WDR70: variants seen among roughly 807,000 people sequenced by gnomAD.
WDR70 encodes the protein WD repeat-containing protein 70.
A neutral mutation model predicts 88.6 loss-of-function variants in WDR70; 53 were observed. The ratio of observed to expected loss-of-function variants is 0.60; its 90% confidence interval spans 0.48 to 0.75. The LOEUF is 0.75. Ranked by LOEUF, WDR70 falls within the 30% of genes least tolerant of loss-of-function variation. The pLI is 0.00. For synonymous variants in WDR70, 280 were observed against 270.0 expected, an observed-to-expected ratio of 1.04 and a Z score of -0.36; for missense variants, 610 against 823.2, an observed-to-expected ratio of 0.74 and a Z score of 3.17.
chr5:37,640,717 C>T (rs1745081138), intron 10 of WDR70, among the ~76,000 whole-genome samples: 1 of 152,100 alleles, frequency 6.6e-6, no homozygotes, highest in Non-Finnish European at 1.5e-5. Flanking sequence ...TGAAAAATCA[C>T]CAGTCATTTA....
chr5:37,597,883 G>A (rs1329110553), intron 9 of WDR70, among the ~76,000 whole-genome samples: 1 of 152,186 alleles, frequency 6.6e-6, no homozygotes, highest in Non-Finnish European at 1.5e-5. Context: ...AATATATTTA[G>A]GGATTGTATT....
intron 5 of WDR70, among the ~76,000 whole-genome samples, chr5:37,397,388 G>C (rs1581248419): frequency 6.6e-6 from 1 of 151,470 alleles, no homozygotes; most frequent in African/African-American, 2.4e-5. Context: ...AGAATCGCTT[G>C]AACCTGGGAG....
intron 17 of WDR70, among the ~76,000 whole-genome samples, chr5:37,749,959 A>G (rs954363699): frequency 4.6e-5 from 7 of 151,516 alleles, no homozygotes; most frequent in African/African-American, 1.7e-4. Context: ...TTGGTTCTTT[A>G]TTTTCTACCA....
chr5:37,589,504 A>G lies in WDR70; in HGVS notation c.918-15560A>G, dbSNP rs1743465994. On this transcript the variant is annotated intron_variant, in intron 9 of 17. Coordinates refer to ENST00000265107, the MANE Select transcript of WDR70 (RefSeq NM_018034.4). ...AGTGGTTGAGGAGGTCACTTGGAAT[A>G]GAACTCTCCATGAAATGTAGCATTC... Among the ~76,000 whole-genome samples, 4 of 152,262 alleles carry G rather than the reference A, an allele frequency of 2.6e-5. No homozygotes were observed. In the East Asian group the frequency reaches 7.7e-4, roughly 29 times the overall value.
chr5:37,523,998 G>A (rs957165819), intron 9 of WDR70, among the ~76,000 whole-genome samples: 2 of 152,180 alleles, frequency 1.3e-5, no homozygotes, highest in African/African-American at 2.4e-5. Context: ...CCAAATCTAC[G>A]TCTGATTGGT....
At chr5:37,732,825 T>TA (rs1268385262) in intron 17 of WDR70, among the ~76,000 whole-genome samples, 1 of 152,090 alleles carries the variant, frequency 6.6e-6, no homozygotes, top group Admixed American at 6.6e-5. Context: ...TTTTCTCACG[T>TA]AAAAAATTTA....
chr5:37,444,669 G>A (rs1387989018), intron 7 of WDR70, among the ~76,000 whole-genome samples: 1 of 152,058 alleles, frequency 6.6e-6, no homozygotes, highest in Non-Finnish European at 1.5e-5. Flanking sequence ...TTCTGTTTTT[G>A]ACCATATCTG....
chr5:37,579,824 T>C (rs1477323404), intron 9 of WDR70, among the ~76,000 whole-genome samples: 1 of 152,150 alleles, frequency 6.6e-6, no homozygotes, highest in East Asian at 1.9e-4. Flanking sequence ...AAACATTTTA[T>C]ATTATGTTTT....
At chr5:37,601,531 T>A (rs113931504) in intron 9 of WDR70, among the ~76,000 whole-genome samples, 4 of 152,320 alleles carry the variant, frequency 2.6e-5, no homozygotes, top group African/African-American at 9.6e-5. Context: ...AATGCTAGCC[T>A]TGTAAAATGG....
At chr5:37,412,075 T>G (rs914456964) in intron 5 of WDR70, among the ~76,000 whole-genome samples, 1 of 152,078 alleles carries the variant, frequency 6.6e-6, no homozygotes, top group Non-Finnish European at 1.5e-5. Flanking sequence ...GTGGGAAGTA[T>G]CAGAGAAAAC....
At chr5:37,729,759 C>T (rs773784971) in intron 17 of WDR70, among the ~76,000 whole-genome samples, 8 of 152,028 alleles carry the variant, frequency 5.3e-5, no homozygotes, top group African/African-American at 1.2e-4. Flanking sequence ...GTTTTCTTCA[C>T]GTTCTGTTTA....
intron 9 of WDR70, among the ~76,000 whole-genome samples, chr5:37,534,384 A>C (rs571290823): frequency 6.6e-6 from 1 of 152,254 alleles, no homozygotes; most frequent in Admixed American, 6.5e-5. Context: ...AATGTAGTTT[A>C]TCCCATTCCT....
At chr5:37,490,936 C>A (rs1382079299) in intron 8 of WDR70, among the ~76,000 whole-genome samples, 8 of 152,100 alleles carry the variant, frequency 5.3e-5, no homozygotes, top group Non-Finnish European at 1.2e-4. Flanking sequence ...TGTGGAGATG[C>A]AGGTACTGTT....
intron 10 of WDR70, among the ~76,000 whole-genome samples, chr5:37,610,456 G>T (rs183456438): frequency 1.3e-5 from 2 of 150,464 alleles, no homozygotes; most frequent in Admixed American, 1.3e-4. Flanking sequence ...TTGGTTTTTT[G>T]GTTTATTATT....
At chr5:37,481,008 A>T (rs1433887685) in intron 8 of WDR70, among the ~76,000 whole-genome samples, 1 of 152,240 alleles carries the variant, frequency 6.6e-6, no homozygotes, top group African/African-American at 2.4e-5. Context: ...AAAACCCAGC[A>T]GGCAAATCTT....
rs1209415442 is a variant in WDR70 at position 37,495,140 on chromosome 5, C to T, written c.840+15153C>T. ...GAATTTAAGCTGTGAGTATTCTCCC[C>T]AGCAAAATGTATTCACACAAAATTT... On this transcript the variant is annotated intron_variant, in intron 8 of 17. Coordinates refer to ENST00000265107, the MANE Select transcript of WDR70 (RefSeq NM_018034.4). 5.3e-5 allele frequency among the ~76,000 whole-genome samples: 8 copies of T among 152,308 alleles called. No homozygotes were observed. In the East Asian group the frequency reaches 1.5e-3, roughly 29 times the overall value.
intron 9 of WDR70, among the ~76,000 whole-genome samples, chr5:37,557,628 G>A (rs991969385): frequency 3.3e-5 from 5 of 152,012 alleles, no homozygotes; most frequent in Admixed American, 1.3e-4. Flanking sequence ...AGGGGTGGGA[G>A]GTACTATAGA....
chr5:37,708,278 T>C (rs1221417505), intron 13 of WDR70, among the ~76,000 whole-genome samples: 3 of 151,632 alleles, frequency 2.0e-5, no homozygotes, highest in South Asian at 2.1e-4. Flanking sequence ...TTCTGTCAGT[T>C]TGAAGTATTA....
At chr5:37,467,337 T>C (rs1182236926) in intron 7 of WDR70, among the ~76,000 whole-genome samples, 1 of 152,074 alleles carries the variant, frequency 6.6e-6, no homozygotes, top group African/African-American at 2.4e-5. Flanking sequence ...GAGGGCCTGC[T>C]TCCTAGATTG....
Sources: allele counts gnomAD v4.1 joint callset (sites outside exome capture counted in the v4.1 genomes callset), GRCh38; gene constraint gnomAD v4.1.1; transcripts MANE v1.5; gene names NCBI Gene and HGNC (gene_info 2026-07-23, HGNC 2026-07-21).